CACNG8: variants seen among roughly 807,000 people sequenced by gnomAD.
CACNG8 encodes the protein voltage-dependent calcium channel gamma-8 subunit.
In CACNG8, 5 loss-of-function variants were observed where a neutral mutation model predicts 26.9. That is an observed-to-expected ratio of 0.19 (90% confidence interval 0.10 to 0.39). The LOEUF is 0.39. Among genes scored for constraint, CACNG8 ranks in the 10% least tolerant of loss-of-function variants. The pLI is 1.00. For synonymous variants in CACNG8, 321 were observed against 296.7 expected (o/e 1.08, Z -0.84); for missense variants, 473 against 609.4 (o/e 0.78, Z 2.36).
rs527964050 is a variant in CACNG8 at position 53,963,068 on chromosome 19, C to A, written c.-75C>A. 30 of 938,392 alleles carry A rather than the reference C, an allele frequency of 3.2e-5. No homozygotes were observed. Among genetic ancestry groups the A allele is most frequent in the South Asian group, 2.5e-4 (10 of 40,748 alleles). The allele number at this position is 938,392 out of a possible 1,614,324, so 58.1% of individuals were successfully genotyped here. A position where few individuals can be genotyped will look rare whatever the true frequency, so the allele number is the denominator to read the frequency against. On this transcript the variant is annotated 5_prime_UTR_variant, in exon 1 of 4. Transcript: ENST00000270458. ...CGCTTCTGCCTGCGCTGTGAACCCCCCCCCAGCCGCCGGCACGGCCCCGCC... is the reference window on the plus strand; with the variant it reads ...CGCTTCTGCCTGCGCTGTGAACCCCACCCCAGCCGCCGGCACGGCCCCGCC...
intron 1 of CACNG8, among the ~76,000 whole-genome samples, chr19:53,971,868 G>C (rs549763874): frequency 6.6e-6 from 1 of 152,188 alleles, no homozygotes; most frequent in Non-Finnish European, 1.5e-5. Flanking sequence ...TTGCATGCCC[G>C]GGTCTGCGCT....
intron 1 of CACNG8, among the ~76,000 whole-genome samples, chr19:53,967,252 G>C (rs1464112814): frequency 6.6e-6 from 1 of 152,126 alleles, no homozygotes; most frequent in Non-Finnish European, 1.5e-5. Flanking sequence ...TGAGAATAGG[G>C]GAGCCATTCA....
At chr19:53,964,220 T>G (rs947772466) in intron 1 of CACNG8, among the ~76,000 whole-genome samples, 31 of 148,142 alleles carry the variant, frequency 2.1e-4, no homozygotes, top group Non-Finnish European at 1.6e-4. Flanking sequence ...TCCCCCCCAG[T>G]CCTCTGAAGT....
chr19:53,971,824 G>A lies in CACNG8; in HGVS notation c.284-6322G>A, dbSNP rs183420954. On this transcript the variant is annotated intron_variant, in intron 1 of 3. Transcript: ENST00000270458. ...AGTGGGTTGGATCCCAGTTCTCCAC[G>A]TGTCCGCACTGCAAGAAAGCTGCCC... is the stretch of plus-strand genomic sequence containing the variant. Among the ~76,000 whole-genome samples the A allele has an allele frequency of 4.1e-3, 630 of 152,258 alleles. 12 individuals carry two copies. Among genetic ancestry groups the A allele is most frequent in the Middle Eastern group, 3.4e-3 (1 of 294 alleles).
At chr19:53,973,146 C>T (rs569621692) in intron 1 of CACNG8, among the ~76,000 whole-genome samples, 2 of 152,292 alleles carry the variant, frequency 1.3e-5, no homozygotes, top group East Asian at 1.9e-4. Flanking sequence ...TTCAGCAATC[C>T]GGTGTGCCAT....
chr19:53,975,894 A>C (rs954355044), intron 1 of CACNG8, among the ~76,000 whole-genome samples: 2 of 152,174 alleles, frequency 1.3e-5, no homozygotes, highest in Non-Finnish European at 2.9e-5. Context: ...AGCTGCTATC[A>C]ACCGAGTACT....
At position 53,988,271 on chromosome 19, in the gene CACNG8, AGT is replaced by A. The variant is rs57220250; in HGVS notation, c.*5455_*5456del. On this transcript the variant is annotated 3_prime_UTR_variant, in exon 4 of 4. Coordinates refer to ENST00000270458, the MANE Select transcript of CACNG8 (RefSeq NM_031895.6). ...GACAGAAGGAAAGGGAATTCAGGCAAGTGTGTGTGTGTGTGTGTGTGTGTGTG... is the reference window on the plus strand; with the variant it reads ...GACAGAAGGAAAGGGAATTCAGGCAAGTGTGTGTGTGTGTGTGTGTGTGTG... 0.13 allele frequency: 18,254 copies of A among 143,862 alleles called. 1,163 individuals carry two copies. The highest frequency in any genetic ancestry group is 0.2 in the Middle Eastern group (55 of 278). 8.9% of individuals were successfully genotyped at this position (143,862 alleles called of 1,614,324 possible). A position where few individuals can be genotyped will look rare whatever the true frequency, so the allele number is the denominator to read the frequency against.
Position 53,982,701 on chromosome 19 carries a change from G to A in CACNG8, c.1130G>A (p.Gly377Asp). 2.6e-6 allele frequency: 3 copies of A among 1,147,196 alleles called. No individual in the cohort carries two copies. The highest frequency in any genetic ancestry group is 3.2e-6 in the Non-Finnish European group (3 of 939,060). 71.1% of individuals were successfully genotyped at this position (1,147,196 alleles called of 1,614,324 possible). A position where few individuals can be genotyped will look rare whatever the true frequency, so the allele number is the denominator to read the frequency against. The change falls in exon 4 of 4, where the codon GGC becomes GAC. Residue 377 changes from glycine to aspartate, a missense_variant. By Grantham distance (94) the Gly-to-Asp change is moderately conservative. Transcript: ENST00000270458. The surrounding 1 kb of genome is among the most constrained non-coding windows in gnomAD (Gnocchi z 8.4). ...CACAACGCCTTCCCCAAGGAGGCGG[G>A]CGGCGGCGTCACGGTCACGGTCACC...
At chr19:53,969,066 C>T (rs1198529135) in intron 1 of CACNG8, among the ~76,000 whole-genome samples, 2 of 152,022 alleles carry the variant, frequency 1.3e-5, no homozygotes, top group East Asian at 1.9e-4. Flanking sequence ...TGCAGAGGCG[C>T]GATCTCAACC....
intron 2 of CACNG8, among the ~76,000 whole-genome samples, chr19:53,979,510 G>A (rs2069351283): frequency 6.6e-6 from 1 of 151,832 alleles, no homozygotes; most frequent in African/African-American, 2.4e-5. Context: ...ACGAGAGGAA[G>A]GAAGGGACGA....
At chr19:53,976,367 A>T (rs1225456645) in intron 1 of CACNG8, among the ~76,000 whole-genome samples, 1 of 152,238 alleles carries the variant, frequency 6.6e-6, no homozygotes, top group Non-Finnish European at 1.5e-5. Flanking sequence ...AGAATAAAAA[A>T]AATGGAGACG....
chr19:53,989,412 G>C lies in CACNG8; in HGVS notation c.*6563G>C, dbSNP rs1232443283. On this transcript the variant is annotated 3_prime_UTR_variant, in exon 4 of 4. Coordinates refer to ENST00000270458, the MANE Select transcript of CACNG8 (RefSeq NM_031895.6). ...TAACAAAAACACAACCACAGAGATA[G>C]GGAGACGTAAGCCGGAGAAAGACCC... 1 of 152,752 alleles carries C rather than the reference G, an allele frequency of 6.5e-6. No individual in the cohort carries two copies. The highest frequency in any genetic ancestry group is 1.9e-4 in the East Asian group (1 of 5,196). 9.5% of individuals were successfully genotyped at this position (152,752 alleles called of 1,614,324 possible). A position where few individuals can be genotyped will look rare whatever the true frequency, so the allele number is the denominator to read the frequency against.
Position 53,982,476 on chromosome 19 carries a change from C to T in CACNG8, c.905C>T (p.Thr302Met). 1 of 1,513,220 alleles carries T rather than the reference C, an allele frequency of 6.6e-7. No individual in the cohort carries two copies. The highest frequency in any genetic ancestry group is 8.8e-7 in the Non-Finnish European group (1 of 1,138,204). 93.7% of individuals were successfully genotyped at this position (1,513,220 alleles called of 1,614,324 possible). Residue 302 changes from threonine to methionine, a missense_variant, in exon 4 of 4, where the codon ACG (threonine) becomes ATG (methionine). Coordinates refer to ENST00000270458, the MANE Select transcript of CACNG8 (RefSeq NM_031895.6). The surrounding 1 kb of genome is among the most constrained non-coding windows in gnomAD (Gnocchi z 8.4). ...CCCGGGGGCCCGGGCTTTGCCTCCA[C>T]GGACATCTCCATGTACACGCTCAGC...
At chr19:53,972,593 C>G (rs2069309378) in intron 1 of CACNG8, among the ~76,000 whole-genome samples, 2 of 151,936 alleles carry the variant, frequency 1.3e-5, no homozygotes, top group South Asian at 4.2e-4. Flanking sequence ...AACTCCTGAC[C>G]TCAGGTGATC....
Position 53,979,870 on chromosome 19 carries a change from T to A in CACNG8, c.371T>A (p.Val124Asp). Residue 124 changes from valine to aspartate, a missense_variant, in exon 3 of 4, where the codon GTT becomes GAT. Val to Asp is a radical substitution (Grantham distance 152). Coordinates refer to ENST00000270458, the MANE Select transcript of CACNG8 (RefSeq NM_031895.6). The stretch of plus-strand genomic sequence containing the variant: ...TCCTTTCCTTCCTCCCCCGCAGGAG[T>A]TGTCCGGGCCTCCAGCATCTTCCCC... 1 of 1,599,520 alleles carries A rather than the reference T, an allele frequency of 6.3e-7. No individual in the cohort carries two copies. The highest frequency in any genetic ancestry group is 8.5e-7 in the Non-Finnish European group (1 of 1,171,656).
intron 1 of CACNG8, among the ~76,000 whole-genome samples, chr19:53,966,478 C>T (rs971596343): frequency 6.6e-6 from 1 of 151,980 alleles, no homozygotes; most frequent in African/African-American, 2.4e-5. Context: ...AGTGGTAAGA[C>T]CATAGCTCAC....
At position 53,963,335 on chromosome 19, in the gene CACNG8, A is replaced by T; in HGVS notation, c.193A>T (p.Thr65Ser). 1 of 1,597,522 alleles carries T rather than the reference A, an allele frequency of 6.3e-7. No individual in the cohort carries two copies. The highest frequency in any genetic ancestry group is 8.5e-7 in the Non-Finnish European group (1 of 1,176,598). Residue 65 changes from threonine to serine, a missense_variant, in exon 1 of 4, where the codon ACC becomes TCC. Thr to Ser is a moderately conservative substitution (Grantham distance 58). Around this residue, in one of 6 missense-constraint regions of CACNG8, gnomAD observed 69 missense variants for 66.7 expected, o/e 1.03. Coordinates refer to ENST00000270458, the MANE Select transcript of CACNG8 (RefSeq NM_031895.6). ...CCTCACGGCCGGCGGCGACGACGGGACCCCCCACCGCGGGGGCGGCGGCGC... is the reference window on the plus strand; with the variant it reads ...CCTCACGGCCGGCGGCGACGACGGGTCCCCCCACCGCGGGGGCGGCGGCGC...
At position 53,982,615 on chromosome 19, in the gene CACNG8, A is replaced by AGGC. The variant is rs1182855422; in HGVS notation, c.1053_1055dup (p.Gly352dup). 6 of 975,082 alleles carry AGGC rather than the reference A, an allele frequency of 6.2e-6. No individual in the cohort carries two copies. Among genetic ancestry groups the AGGC allele is most frequent in the African/African-American group, 1.8e-5 (1 of 55,646 alleles). 60.4% of individuals were successfully genotyped at this position (975,082 alleles called of 1,614,324 possible). ...CCGGGGGCGCCGGGGGCGGCGGCGG[A>AGGC]GGCGGCGGCGGGGCGGGTGCCGAGC... On this transcript the variant is annotated inframe_insertion, in exon 4 of 4. Coordinates refer to ENST00000270458, the MANE Select transcript of CACNG8 (RefSeq NM_031895.6). The surrounding 1 kb of genome is among the most constrained non-coding windows in gnomAD (Gnocchi z 8.4).
intron 1 of CACNG8, among the ~76,000 whole-genome samples, chr19:53,973,530 A>G (rs1332316114): frequency 2.0e-5 from 3 of 151,864 alleles, no homozygotes; most frequent in African/African-American, 7.3e-5. Context: ...CTCTTAAAAA[A>G]AATAAATAAA....
Sources: allele counts gnomAD v4.1 joint callset (sites outside exome capture counted in the v4.1 genomes callset), GRCh38; gene constraint gnomAD v4.1.1; regional missense constraint gnomAD v4.1.1; non-coding constraint Gnocchi (gnomAD v3.1); transcripts MANE v1.5; gene names NCBI Gene and HGNC (gene_info 2026-07-23, HGNC 2026-07-21).